The following TFCP2L1 variants were observed in gnomAD, a reference collection of about 807,000 sequenced individuals.
TFCP2L1 encodes the protein transcription factor CP2 like 1, also known as transcription factor CP2-like protein 1.
TFCP2L1 carries 12 observed loss-of-function variants against 72.2 expected under a neutral mutation model. The observed-to-expected ratio is 0.17, with a 90% CI of 0.11 to 0.27. The LOEUF is 0.27. TFCP2L1 is among the 10% of genes least tolerant of loss of function. The pLI, the probability that TFCP2L1 is intolerant of heterozygous loss-of-function variation, is 1.00. For synonymous variants in TFCP2L1, 260 were observed against 251.0 expected, an observed-to-expected ratio of 1.04 and a Z score of -0.34; for missense variants, 488 against 624.6, an observed-to-expected ratio of 0.78 and a Z score of 2.33.
At chr2:121,263,469 CAAAA>C (rs10603088) in intron 2 of TFCP2L1, among the ~76,000 whole-genome samples, 6 of 67,516 alleles carry the variant, frequency 8.9e-5, no homozygotes, top group Admixed American at 1.8e-4. Context: ...CTGTTTTTGG[CAAAA>C]AAAAAAAAAA....
rs370695688 is a variant in TFCP2L1 at position 121,254,001 on chromosome 2, C to T, written c.215-4354G>A. ...CCACCCACAGTCACATACAGGCTGA[C>T]GAGCGAGGTCACACAGGCTGAACTG... is the stretch of plus-strand genomic sequence containing the variant. On this transcript the variant is annotated intron_variant, in intron 2 of 14. Coordinates refer to ENST00000263707, the MANE Select transcript of TFCP2L1 (RefSeq NM_014553.3). 7.2e-5 allele frequency among the ~76,000 whole-genome samples: 11 copies of T among 152,298 alleles called. No homozygotes were observed. In the East Asian group the frequency reaches 2.1e-3, roughly 29 times the overall value.
At chr2:121,278,265 TG>T (rs1445721489) in intron 2 of TFCP2L1, among the ~76,000 whole-genome samples, 1 of 149,084 alleles carries the variant, frequency 6.7e-6, no homozygotes, top group Non-Finnish European at 1.5e-5. Flanking sequence ...CTCGATCTCC[TG>T]ACCTCATGAT....
intron 2 of TFCP2L1, among the ~76,000 whole-genome samples, chr2:121,255,638 C>T (rs1686699718): frequency 6.6e-6 from 1 of 152,206 alleles, no homozygotes; most frequent in African/African-American, 2.4e-5. Context: ...GCCACTGGGC[C>T]ACCCCTCCAC....
intron 1 of TFCP2L1, among the ~76,000 whole-genome samples, chr2:121,284,426 C>T (rs1687324688): frequency 6.6e-6 from 1 of 152,218 alleles, no homozygotes; most frequent in Admixed American, 6.5e-5. Context: ...ACTTACTTTC[C>T]CCTCTGAAGG....
rs567023053 is a variant in TFCP2L1 at position 121,238,789 on chromosome 2, A to C, written c.860+769T>G. 1.4e-4 allele frequency among the ~76,000 whole-genome samples: 21 copies of C among 152,198 alleles called. 1 individual carries two copies. The highest frequency in any genetic ancestry group is 3.4e-3 in the Middle Eastern group (1 of 294). ...GAAGACTAGGTCTGCCTGAATCTAA[A>C]CATGACACCATTTCTGTGTCTACCC... On this transcript the variant is annotated intron_variant, in intron 8 of 14. Coordinates refer to ENST00000263707, the MANE Select transcript of TFCP2L1 (RefSeq NM_014553.3).
At chr2:121,249,156 G>A in intron 3 of TFCP2L1, 69 bp from the exon 4 acceptor site, 2 of 1,244,538 alleles carry the variant, frequency 1.6e-6, no homozygotes, top group Non-Finnish European at 2.2e-6. Context: ...TCTTTTCCCT[G>A]AGCCACAGTA....
intron 7 of TFCP2L1, chr2:121,240,146 T>A: frequency 1.0e-6 from 1 of 985,198 alleles, no homozygotes; most frequent in Non-Finnish European, 1.2e-6. Context: ...CGGAGGCTCT[T>A]GCACAATCAC....
intron 2 of TFCP2L1, among the ~76,000 whole-genome samples, chr2:121,256,175 C>A (rs1422351113): frequency 1.3e-5 from 2 of 152,198 alleles, no homozygotes; most frequent in Admixed American, 6.5e-5. Flanking sequence ...CTAGAACTCT[C>A]ATGAATGTGT....
intron 13 of TFCP2L1, among the ~76,000 whole-genome samples, chr2:121,231,500 C>T (rs557306271): frequency 3.3e-5 from 5 of 152,362 alleles, no homozygotes; most frequent in Admixed American, 2.0e-4. Context: ...TGGGGACTGT[C>T]GCCCACCCTG....
At chr2:121,262,987 G>A (rs1264039936) in intron 2 of TFCP2L1, among the ~76,000 whole-genome samples, 6 of 152,180 alleles carry the variant, frequency 3.9e-5, no homozygotes, top group African/African-American at 1.4e-4. Flanking sequence ...CCAGGCTGGA[G>A]TGCAATGGCA....
rs758436337 is a variant in TFCP2L1 at position 121,249,012 on chromosome 2, T to A, written c.367A>T (p.Ser123Cys). The part of the protein sequence containing the change: ...EHQQLEGWRW[S>C]RPGDRILDID... ...TCCAGGATCCGGTCCCCTGGCCGAC[T>A]CCACCGCCAGCCCTCCAGCTGCTGG... is the stretch of plus-strand genomic sequence containing the variant. The change falls in exon 4 of 15, where the codon AGT becomes TGT. Residue 123 changes from serine (S) to cysteine (C), a missense_variant. By Grantham distance (112) the Ser-to-Cys change is moderately radical (BLOSUM62 -1). Transcript: ENST00000263707. 1 of 1,603,484 alleles carries A rather than the reference T, an allele frequency of 6.2e-7. No individual in the cohort carries two copies. Among genetic ancestry groups the A allele is most frequent in the Non-Finnish European group, 8.5e-7 (1 of 1,175,522 alleles).
chr2:121,239,400 A>G (rs60243991), intron 8 of TFCP2L1, among the ~76,000 whole-genome samples, 158 bp downstream of exon 8: 4 of 152,090 alleles, frequency 2.6e-5, no homozygotes, highest in African/African-American at 9.7e-5. Context: ...CTGAGCACTA[A>G]AAGTTGTGTA....
intron 2 of TFCP2L1, among the ~76,000 whole-genome samples, chr2:121,266,342 C>T (rs1686930011): frequency 6.6e-6 from 1 of 152,058 alleles, no homozygotes. Context: ...AGGAAAGTAA[C>T]ACTTACTGAG....
chr2:121,280,024 A>G (rs1306974151), intron 2 of TFCP2L1, among the ~76,000 whole-genome samples: 1 of 152,190 alleles, frequency 6.6e-6, no homozygotes, highest in Non-Finnish European at 1.5e-5. Flanking sequence ...ACTCATAATC[A>G]TGATAGAACC....
intron 2 of TFCP2L1, among the ~76,000 whole-genome samples, chr2:121,267,511 T>G (rs552965303): frequency 8.0e-4 from 121 of 152,018 alleles, no homozygotes; most frequent in Admixed American, 3.0e-3. Flanking sequence ...TTTTTTTTTT[T>G]GGGACGGAGT....
intron 5 of TFCP2L1, among the ~76,000 whole-genome samples, chr2:121,247,319 A>G (rs1221099930): frequency 2.6e-5 from 4 of 152,144 alleles, no homozygotes; most frequent in African/African-American, 9.7e-5. Flanking sequence ...GGCAGGGACC[A>G]CAGCACAGCC....
At chr2:121,268,264 T>C (rs1686972641) in intron 2 of TFCP2L1, among the ~76,000 whole-genome samples, 1 of 152,266 alleles carries the variant, frequency 6.6e-6, no homozygotes, top group South Asian at 2.1e-4. Flanking sequence ...TTTTAAACCT[T>C]TGAACGTGGT....
chr2:121,238,794 A>C (rs73950909), intron 8 of TFCP2L1, among the ~76,000 whole-genome samples: 6,829 of 152,138 alleles, frequency 0.045, 503 homozygotes, highest in African/African-American at 0.16. Flanking sequence ...TCTAAACATG[A>C]CACCATTTCT....
Position 121,221,402 on chromosome 2 carries a change from A to T in TFCP2L1, c.*2939T>A, listed in dbSNP as rs1043115233. The T allele has an allele frequency of 4.1e-4, 5 of 12,134 alleles. No homozygotes were observed. The highest frequency in any genetic ancestry group is 9.7e-4 in the Non-Finnish European group (2 of 2,062). 0.8% of individuals were successfully genotyped at this position (12,134 alleles called of 1,614,324 possible). A position where few individuals can be genotyped will look rare whatever the true frequency, so the allele number is the denominator to read the frequency against. On this transcript the variant is annotated 3_prime_UTR_variant, in exon 15 of 15. Transcript: ENST00000263707. Reference sequence around the variant, plus strand: ...GGTGGAACCAAACACAGACTAAGTAAAAAAAAAAAAAAGGTAAGCTTCCCA... The same window carrying T: ...GGTGGAACCAAACACAGACTAAGTATAAAAAAAAAAAAGGTAAGCTTCCCA...
Sources: gnomAD v4.1 joint callset for allele counts (sites outside exome capture counted in the v4.1 genomes callset) on GRCh38, gnomAD v4.1.1 for gene constraint, MANE v1.5 for transcripts, NCBI Gene and HGNC (gene_info 2026-07-23, HGNC 2026-07-21) for gene names.